RIMKLA: variants seen among roughly 807,000 people sequenced by gnomAD.
The protein encoded by RIMKLA is ribosomal modification protein rimK like family member A.
RIMKLA carries 14 observed loss-of-function variants against 32.7 expected under a neutral mutation model. The observed-to-expected ratio is 0.43, with a 90% CI of 0.28 to 0.67. The LOEUF is 0.67. Among genes scored for constraint, RIMKLA ranks in the 30% least tolerant of loss-of-function variants. The pLI is 0.18. For missense variants in RIMKLA, 410 were observed against 519.0 expected (o/e 0.79, Z 2.04); for synonymous variants, 176 against 204.1 (o/e 0.86, Z 1.18).
Position 42,417,450 on chromosome 1 carries a change from G to A in RIMKLA, c.*2476G>A, listed in dbSNP as rs1432784788. 1 of 152,274 alleles carries A rather than the reference G, an allele frequency of 6.6e-6. No individual in the cohort carries two copies. Among genetic ancestry groups the A allele is most frequent in the East Asian group, 1.9e-4 (1 of 5,194 alleles). The allele number at this position is 152,274 out of a possible 1,614,324, so 9.4% of individuals were successfully genotyped here. A position where few individuals can be genotyped will look rare whatever the true frequency, so the allele number is the denominator to read the frequency against. On this transcript the variant is annotated 3_prime_UTR_variant, in exon 5 of 5. Transcript: ENST00000431473. ...CACAGGCCTGCTGAAGGAACATGGG[G>A]TGTAGAGCCAGAGCCTGGTTCTGGT...
chr1:42,381,205 C>A (rs367735489), intron 1 of RIMKLA, 108 bp downstream of exon 1: 37 of 812,888 alleles, frequency 4.6e-5, no homozygotes, highest in Non-Finnish European at 6.1e-5. Flanking sequence ...CCTTCGGGCC[C>A]GCACACTAGC....
intron 1 of RIMKLA, among the ~76,000 whole-genome samples, chr1:42,386,356 A>G (rs1570314564): frequency 6.6e-6 from 1 of 150,720 alleles, no homozygotes; most frequent in Non-Finnish European, 1.5e-5. Context: ...TCCACACCTC[A>G]CCTCCTTGCC....
At chr1:42,386,563 A>G (rs1642949189) in intron 1 of RIMKLA, among the ~76,000 whole-genome samples, 1 of 144,576 alleles carries the variant, frequency 6.9e-6, no homozygotes, top group South Asian at 2.2e-4. Flanking sequence ...AATTTTTTAT[A>G]GAGACCCTGT....
At position 42,410,065 on chromosome 1, in the gene RIMKLA, T is replaced by G; in HGVS notation, c.563T>G (p.Phe188Cys). The change falls in exon 4 of 5, where the codon TTC (phenylalanine) becomes TGC (cysteine). Residue 188 changes from phenylalanine to cysteine, a missense_variant. Coordinates refer to ENST00000431473, the MANE Select transcript of RIMKLA (RefSeq NM_173642.4). The part of the protein sequence containing the change: ...HLIRHDVPYL[F>C]QKYVKESHGK... ...ATCCGCCACGATGTGCCCTACCTGT[T>G]CCAGAAGTACGTGAAGGAGTCCCAT... The G allele has an allele frequency of 6.2e-7, 1 of 1,614,140 alleles. No homozygotes were observed. The highest frequency in any genetic ancestry group is 8.5e-7 in the Non-Finnish European group (1 of 1,180,014).
chr1:42,383,166 G>A lies in RIMKLA; in HGVS notation c.163+2069G>A, dbSNP rs574320923. On this transcript the variant is annotated intron_variant, in intron 1 of 4. Transcript: ENST00000431473. ...CTCCTAAAGTGCTGGGATTACAGGC[G>A]TGAGCCACCGCGTCCGGCCTGTTCT... Among the ~76,000 whole-genome samples, 21 of 152,162 alleles carry A rather than the reference G, an allele frequency of 1.4e-4. 1 individual carries two copies. The highest frequency in any genetic ancestry group is 2.1e-4 in the South Asian group (1 of 4,826).
At chr1:42,408,936 G>A (rs550831719) in intron 3 of RIMKLA, among the ~76,000 whole-genome samples, 1 of 152,060 alleles carries the variant, frequency 6.6e-6, no homozygotes, top group East Asian at 1.9e-4. Flanking sequence ...GGCCGGTTAT[G>A]GTGACTCACA....
chr1:42,380,853 C>T lies in RIMKLA; in HGVS notation c.-82C>T, dbSNP rs1642880023. ...TGGCGCGCTCGCCCCGGACGCCGGC[C>T]GCCCCTCCGCTCGCCCTACTGAGCG... On this transcript the variant is annotated 5_prime_UTR_variant, in exon 1 of 5. Transcript: ENST00000431473. The T allele has an allele frequency of 3.1e-6, 3 of 952,634 alleles. No homozygotes were observed. The highest frequency in any genetic ancestry group is 2.6e-6 in the Non-Finnish European group (2 of 760,058). 59.0% of individuals were successfully genotyped at this position (952,634 alleles called of 1,614,324 possible).
At chr1:42,387,523 C>CT (rs747516598) in intron 1 of RIMKLA, among the ~76,000 whole-genome samples, 1 of 152,140 alleles carries the variant, frequency 6.6e-6, no homozygotes, top group Non-Finnish European at 1.5e-5. Context: ...CTTTAGTATA[C>CT]TTTATGTGTC....
At chr1:42,414,457 C>G (rs1557759040) in intron 4 of RIMKLA, 27 bp from the exon 5 acceptor site, 1 of 1,609,262 alleles carries the variant, frequency 6.2e-7, no homozygotes. Context: ...CAGTTGTCAC[C>G]TTTACATCAC....
Position 42,416,856 on chromosome 1 carries a change from A to G in RIMKLA, c.*1882A>G, listed in dbSNP as rs1048132557. ...AATTGACAAATGTTTGGTGCCATGTAATGGAGATGTCACACTACACAGTTG... is the reference window on the plus strand; with the variant it reads ...AATTGACAAATGTTTGGTGCCATGTGATGGAGATGTCACACTACACAGTTG... On this transcript the variant is annotated 3_prime_UTR_variant, in exon 5 of 5. Transcript: ENST00000431473. 1.3e-5 allele frequency: 2 copies of G among 152,238 alleles called. No individual in the cohort carries two copies. The highest frequency in any genetic ancestry group is 4.8e-5 in the African/African-American group (2 of 41,458). 9.4% of individuals were successfully genotyped at this position (152,238 alleles called of 1,614,324 possible).
At position 42,414,874 on chromosome 1, in the gene RIMKLA, G is replaced by A. The variant is rs200652116; in HGVS notation, c.1076G>A (p.Arg359Gln). The A allele has an allele frequency of 1.4e-4, 226 of 1,614,002 alleles. No individual in the cohort carries two copies. Among genetic ancestry groups the A allele is most frequent in the Non-Finnish European group, 1.8e-4 (208 of 1,180,024 alleles). The change falls in exon 5 of 5, where the codon CGG (arginine) becomes CAG (glutamine). Residue 359 changes from arginine (R) to glutamine (Q), a missense_variant. Transcript: ENST00000431473. ...SESEPELGEI[R>Q]DSSASTMGAP... Reference sequence around the variant, plus strand: ...AGTGAGCCTGAACTGGGAGAGATCCGGGATTCCTCAGCAAGCACAATGGGG... The same window carrying A: ...AGTGAGCCTGAACTGGGAGAGATCCAGGATTCCTCAGCAAGCACAATGGGG...
chr1:42,390,535 T>C (rs986058038), intron 1 of RIMKLA, among the ~76,000 whole-genome samples: 3 of 152,166 alleles, frequency 2.0e-5, no homozygotes, highest in Admixed American at 2.0e-4. Context: ...ACAATTCAGC[T>C]GTTACAAGAG....
At chr1:42,412,518 G>A in intron 4 of RIMKLA, 1 of 441,748 alleles carries the variant, frequency 2.3e-6, no homozygotes. Context: ...GATGGAATGG[G>A]AGCAGATTAT....
chr1:42,416,807 G>A lies in RIMKLA; in HGVS notation c.*1833G>A, dbSNP rs748440540. ...TTTTAAAGTATTGTAGTTAAAACCA[G>A]ATCTCACCAAGTAATAGTTGTGCAA... On this transcript the variant is annotated 3_prime_UTR_variant, in exon 5 of 5. Transcript: ENST00000431473. The A allele has an allele frequency of 6.6e-6, 1 of 152,192 alleles. No homozygotes were observed. The highest frequency in any genetic ancestry group is 6.5e-5 in the Admixed American group (1 of 15,274). The allele number at this position is 152,192 out of a possible 1,614,324, so 9.4% of individuals were successfully genotyped here.
At chr1:42,397,277 T>G (rs1643055727) in intron 1 of RIMKLA, among the ~76,000 whole-genome samples, 1 of 152,248 alleles carries the variant, frequency 6.6e-6, no homozygotes, top group Non-Finnish European at 1.5e-5. Flanking sequence ...AGAGCTTTTA[T>G]ATTGATATTA....
intron 1 of RIMKLA, among the ~76,000 whole-genome samples, chr1:42,383,086 A>G (rs1244059791): frequency 6.6e-6 from 1 of 151,352 alleles, no homozygotes; most frequent in Non-Finnish European, 1.5e-5. Context: ...GAGTTTCACC[A>G]TGTTGGTCAG....
At position 42,423,903 on chromosome 1, in the gene RIMKLA, T is replaced by C. The variant is rs1042842160; in HGVS notation, c.*8929T>C. 2.6e-5 allele frequency among the ~76,000 whole-genome samples: 4 copies of C among 152,220 alleles called. No homozygotes were observed. Among genetic ancestry groups the C allele is most frequent in the African/African-American group, 9.6e-5 (4 of 41,458 alleles). On this transcript the variant is annotated 3_prime_UTR_variant, in exon 5 of 5. Coordinates refer to ENST00000431473, the MANE Select transcript of RIMKLA (RefSeq NM_173642.4). ...GTACTCTTGGTGAATCACAGCTCTT[T>C]AGAGCTCCTCAAGGGCCTAAGCATC...
rs2484436 is a variant in RIMKLA, at chr1:42,415,195, G to A, written c.*221G>A. 525,309 of 526,786 alleles carry A rather than the reference G, an allele frequency of 1. 261,934 individuals carry two copies. The highest frequency in any genetic ancestry group is 1 in the East Asian group (31,324 of 31,324). 32.6% of individuals were successfully genotyped at this position (526,786 alleles called of 1,614,324 possible). A position where few individuals can be genotyped will look rare whatever the true frequency, so the allele number is the denominator to read the frequency against. On this transcript the variant is annotated 3_prime_UTR_variant, in exon 5 of 5. Coordinates refer to ENST00000431473, the MANE Select transcript of RIMKLA (RefSeq NM_173642.4). ...TCAAGAACAACGTCCCGACTGATCA[G>A]TATGAGACTGATGTCTGCTGTGAGC...
rs1165494237 is a variant in RIMKLA, at chr1:42,420,968, G to C, written c.*5994G>C. On this transcript the variant is annotated 3_prime_UTR_variant, in exon 5 of 5. Transcript: ENST00000431473. ...TTTCCTCTTGCTTCCCCCACTGTGAGCAACACAAGCATCGCCTTCTTGTGA... is the reference window on the plus strand; with the variant it reads ...TTTCCTCTTGCTTCCCCCACTGTGACCAACACAAGCATCGCCTTCTTGTGA... The C allele has an allele frequency of 2.0e-5, 3 of 152,232 alleles. No individual in the cohort carries two copies. The highest frequency in any genetic ancestry group is 2.9e-5 in the Non-Finnish European group (2 of 68,064). The allele number at this position is 152,232 out of a possible 1,614,324, so 9.4% of individuals were successfully genotyped here. A position where few individuals can be genotyped will look rare whatever the true frequency, so the allele number is the denominator to read the frequency against.
Sources: gnomAD v4.1 joint callset for allele counts (sites outside exome capture counted in the v4.1 genomes callset) on GRCh38, gnomAD v4.1.1 for gene constraint, MANE v1.5 for transcripts, NCBI Gene and HGNC (gene_info 2026-07-23, HGNC 2026-07-21) for gene names.